FBXO30: variants seen among roughly 807,000 people sequenced by gnomAD.
FBXO30 encodes the protein F-box only protein 30.
FBXO30 carries 21 observed loss-of-function variants against 58.1 expected under a neutral mutation model. The ratio of observed to expected loss-of-function variants is 0.36; its 90% CI spans 0.26 to 0.52. The LOEUF (loss-of-function observed/expected upper bound fraction) is 0.52. Among genes scored for constraint, FBXO30 ranks in the 20% least tolerant of loss-of-function variants. The pLI is 0.93. For synonymous variants in FBXO30, 309 were observed against 312.4 expected, an observed-to-expected ratio of 0.99 and a Z score of 0.11; for missense variants, 744 against 897.3, an observed-to-expected ratio of 0.83 and a Z score of 2.18.
chr6:145,794,190 A>G lies in FBXO30; in HGVS notation c.*5916T>C, dbSNP rs939674344. On this transcript the variant is annotated 3_prime_UTR_variant, in exon 3 of 3. Coordinates refer to ENST00000237281, the MANE Select transcript of FBXO30 (RefSeq NM_032145.5). Reference sequence around the variant, plus strand: ...AATTTACCTATTCTGCATATTTCATATAAATGAAATCATATAATATGTAGC... The same window carrying G: ...AATTTACCTATTCTGCATATTTCATGTAAATGAAATCATATAATATGTAGC... 1.3e-5 allele frequency: 2 copies of G among 151,998 alleles called. No individual in the cohort carries two copies. Among genetic ancestry groups the G allele is most frequent in the Non-Finnish European group, 2.9e-5 (2 of 67,888 alleles). 9.4% of individuals were successfully genotyped at this position (151,998 alleles called of 1,614,324 possible).
intron 1 of FBXO30, among the ~76,000 whole-genome samples, chr6:145,813,711 A>G (rs756399142): frequency 6.6e-6 from 1 of 152,020 alleles, no homozygotes; most frequent in Non-Finnish European, 1.5e-5. Flanking sequence ...ATTAATCTAC[A>G]CCGATATCAG....
intron 1 of FBXO30, among the ~76,000 whole-genome samples, chr6:145,806,823 G>T (rs1426288821): frequency 6.6e-6 from 1 of 152,004 alleles, no homozygotes; most frequent in Middle Eastern, 3.2e-3. Context: ...GATTTTGATT[G>T]TACCCCACAT....
In FBXO30 at chr6:145,800,238, G is replaced by A. The variant is rs574425293; in HGVS notation, c.2106C>T (p.Asp702=). The change falls in exon 3 of 3, where the codon GAC becomes GAT. Residue 702 remains aspartate (D), a synonymous_variant. Coordinates refer to ENST00000237281, the MANE Select transcript of FBXO30 (RefSeq NM_032145.5). ...CATTGTAACTGCATTTCTTCAAGTG[G>A]TCTGCCATGCTTAGGATGTCAGCAA... ...WKFADILSMA[D]HLKKCSYNVV... is the part of the protein sequence containing the mutation. The A allele has an allele frequency of 6.8e-6, 11 of 1,613,010 alleles. No individual in the cohort carries two copies. Among genetic ancestry groups the A allele is most frequent in the Middle Eastern group, 3.3e-4 (2 of 6,050 alleles).
rs1210571763 is a variant in FBXO30 at position 145,799,265 on chromosome 6, T to C, written c.*841A>G. 6.6e-6 allele frequency: 1 copy of C among 152,472 alleles called. No homozygotes were observed. The highest frequency in any genetic ancestry group is 1.5e-5 in the Non-Finnish European group (1 of 67,956). 9.4% of individuals were successfully genotyped at this position (152,472 alleles called of 1,614,324 possible). A position where few individuals can be genotyped will look rare whatever the true frequency, so the allele number is the denominator to read the frequency against. On this transcript the variant is annotated 3_prime_UTR_variant, in exon 3 of 3. Coordinates refer to ENST00000237281, the MANE Select transcript of FBXO30 (RefSeq NM_032145.5). ...GTCAAGCCCTTTGCATTCTGAATAT[T>C]TGAAATTTACACAATACGCCCAATT...
intron 2 of FBXO30, among the ~76,000 whole-genome samples, chr6:145,801,249 G>A (rs1197883275): frequency 1.3e-5 from 2 of 152,100 alleles, no homozygotes; most frequent in Non-Finnish European, 2.9e-5. Context: ...TCTAATTAGG[G>A]AACAATTTAC....
rs748052060 is a variant in FBXO30 at position 145,806,259 on chromosome 6, A to G, written c.147T>C (p.His49=). Residue 49 remains histidine, a synonymous_variant, in exon 2 of 3, where the codon CAT becomes CAC. Transcript: ENST00000237281. Reference sequence around the variant, plus strand: ...CTCGTTCAAATGGACATAAAAGTCGATGCTCATCAGCTTTACAAGAATGGA... The same window carrying G: ...CTCGTTCAAATGGACATAAAAGTCGGTGCTCATCAGCTTTACAAGAATGGA... ...AVFHSCKADE[H]RLLCPFERVP... The G allele has an allele frequency of 1.9e-6, 3 of 1,614,108 alleles. No homozygotes were observed. The Admixed American group carries it at 5.0e-5, about 27-fold the overall frequency.
intron 2 of FBXO30, among the ~76,000 whole-genome samples, chr6:145,802,528 A>T (rs555316853): frequency 6.6e-6 from 1 of 152,270 alleles, no homozygotes; most frequent in African/African-American, 2.4e-5. Flanking sequence ...ACAGTATAAA[A>T]TGATAGGAGG....
chr6:145,795,557 G>A lies in FBXO30; in HGVS notation c.*4549C>T, dbSNP rs1777853608. The stretch of plus-strand genomic sequence containing the variant: ...TTCCGTCCAGCTTATCAAAAAGATT[G>A]AAAATTATTTTTAAAAAAGGACTTT... On this transcript the variant is annotated 3_prime_UTR_variant, in exon 3 of 3. Transcript: ENST00000237281. The A allele has an allele frequency of 6.6e-6, 1 of 151,808 alleles. No homozygotes were observed. Among genetic ancestry groups the A allele is most frequent in the Non-Finnish European group, 1.5e-5 (1 of 67,814 alleles). 9.4% of individuals were successfully genotyped at this position (151,808 alleles called of 1,614,324 possible).
At chr6:145,803,839 T>A (rs963852621) in intron 2 of FBXO30, among the ~76,000 whole-genome samples, 1 of 152,176 alleles carries the variant, frequency 6.6e-6, no homozygotes, top group African/African-American at 2.4e-5. Flanking sequence ...CATCCATTTA[T>A]GTTCCTTATT....
rs143925184 is a variant in FBXO30 at position 145,811,408 on chromosome 6, C to T, written c.-17+3195G>A. On this transcript the variant is annotated intron_variant, in intron 1 of 2. Transcript: ENST00000237281. ...TCCAGGCATTATATATGGAGTAGGA[C>T]GAATCATCTATCAAAAAAAGCAAAT... is the stretch of plus-strand genomic sequence containing the variant. 2.7e-3 allele frequency among the ~76,000 whole-genome samples: 413 copies of T among 152,184 alleles called. 5 individuals carry two copies. Among genetic ancestry groups the T allele is most frequent in the African/African-American group, 9.5e-3 (394 of 41,508 alleles).
chr6:145,794,527 A>AAAGCTATT lies in FBXO30; in HGVS notation c.*5571_*5578dup, dbSNP rs1777833028. 1 of 151,944 alleles carries AAAGCTATT rather than the reference A, an allele frequency of 6.6e-6. No homozygotes were observed. Among genetic ancestry groups the AAAGCTATT allele is most frequent in the Non-Finnish European group, 1.5e-5 (1 of 67,826 alleles). The allele number at this position is 151,944 out of a possible 1,614,324, so 9.4% of individuals were successfully genotyped here. Reference sequence around the variant, plus strand: ...TTTCATATGACATGGCTGTCATGACAAAGCTATTGGAATGTTGTAGGGACC... The same window carrying AAAGCTATT: ...TTTCATATGACATGGCTGTCATGACAAAGCTATTAAGCTATTGGAATGTTGTAGGGACC... On this transcript the variant is annotated 3_prime_UTR_variant, in exon 3 of 3. Transcript: ENST00000237281.
rs1778131940 is a variant in FBXO30 at position 145,805,350 on chromosome 6, C to A, written c.1056G>T (p.Gln352His). 6.2e-7 allele frequency: 1 copy of A among 1,614,082 alleles called. No individual in the cohort carries two copies. Among genetic ancestry groups the A allele is most frequent in the South Asian group, 1.1e-5 (1 of 91,086 alleles). ...CTTCATCATCTGGCATGAGGATATG[C>A]TGAACTGTGCCATTAGGCAAAGCAC... is the stretch of plus-strand genomic sequence containing the variant. ...PSSALPNGTVQHILMPDDEGE... is the reference protein window; with the variant it reads ...PSSALPNGTVHHILMPDDEGE... The change falls in exon 2 of 3, where the codon CAG becomes CAT. Residue 352 changes from glutamine to histidine, a missense_variant. Gln to His is a conservative substitution (Grantham distance 24, BLOSUM62 0). Transcript: ENST00000237281.
chr6:145,804,888 T>C lies in FBXO30; in HGVS notation c.1518A>G (p.Glu506=), dbSNP rs1202296691. The C allele has an allele frequency of 1.9e-6, 3 of 1,613,732 alleles. No homozygotes were observed. The highest frequency in any genetic ancestry group is 2.7e-5 in the African/African-American group (2 of 74,906). The change falls in exon 2 of 3, where the codon GAA becomes GAG. Residue 506 remains glutamate, a synonymous_variant. Coordinates refer to ENST00000237281, the MANE Select transcript of FBXO30 (RefSeq NM_032145.5). ...GCTTGGGTTGGTACCTAGCGACACA[T>C]TCCAATACTAAATCCAGCCCAAGTG... is the stretch of plus-strand genomic sequence containing the variant. ...FQTLGLDLVL[E]CVARYQPKQR... is the part of the protein sequence containing the mutation.
chr6:145,808,139 A>C (rs1778232152), intron 1 of FBXO30, among the ~76,000 whole-genome samples: 2 of 152,042 alleles, frequency 1.3e-5, no homozygotes, highest in South Asian at 4.1e-4. Context: ...GTCTCAAAAA[A>C]TAATAATAAT....
Position 145,805,521 on chromosome 6 carries a change from C to G in FBXO30, c.885G>C (p.Gln295His). ...NGFPLENICT[Q>H]VIDQNQNLHG... The stretch of plus-strand genomic sequence containing the variant: ...GTAAATTCTGATTCTGGTCTATGAC[C>G]TGGGTACATATATTTTCCAAAGGAA... The change falls in exon 2 of 3, where the codon CAG (glutamine) becomes CAC (histidine). Residue 295 changes from glutamine to histidine, a missense_variant. Gln to His is a conservative substitution (Grantham distance 24). This residue lies in a region of FBXO30 where 275 missense variants were observed against 262.0 expected (regional missense o/e 1.05). Transcript: ENST00000237281. 2 of 1,606,426 alleles carry G rather than the reference C, an allele frequency of 1.2e-6. No homozygotes were observed. Among genetic ancestry groups the G allele is most frequent in the Non-Finnish European group, 1.7e-6 (2 of 1,176,568 alleles).
intron 1 of FBXO30, among the ~76,000 whole-genome samples, chr6:145,813,608 T>G (rs1038934997): frequency 6.6e-6 from 1 of 152,234 alleles, no homozygotes; most frequent in Admixed American, 6.5e-5. Flanking sequence ...TTAATATAAT[T>G]TCCATAGGTC....
Position 145,806,162 on chromosome 6 carries a change from T to C in FBXO30, c.244A>G (p.Met82Val). ...ARNKVAEHLE[M>V]CPASVVCCTM... ...CAGCACACCACACTTGCAGGACACATTTCTAGATGTTCAGCAACTTTATTT... is the reference window on the plus strand; with the variant it reads ...CAGCACACCACACTTGCAGGACACACTTCTAGATGTTCAGCAACTTTATTT... The change falls in exon 2 of 3, where the codon ATG (methionine) becomes GTG (valine). Residue 82 changes from methionine (M) to valine (V), a missense_variant. This residue lies in a region of FBXO30 where 135 missense variants were observed against 201.6 expected (regional missense o/e 0.67). Coordinates refer to ENST00000237281, the MANE Select transcript of FBXO30 (RefSeq NM_032145.5). 1 of 1,614,124 alleles carries C rather than the reference T, an allele frequency of 6.2e-7. No individual in the cohort carries two copies. Among genetic ancestry groups the C allele is most frequent in the Non-Finnish European group, 8.5e-7 (1 of 1,179,984 alleles).
rs1386682941 is a variant in FBXO30 at position 145,797,706 on chromosome 6, A to C, written c.*2400T>G. The C allele has an allele frequency of 2.6e-5, 4 of 152,188 alleles. No homozygotes were observed. Among genetic ancestry groups the C allele is most frequent in the Admixed American group, 6.6e-5 (1 of 15,248 alleles). 9.4% of individuals were successfully genotyped at this position (152,188 alleles called of 1,614,324 possible). A position where few individuals can be genotyped will look rare whatever the true frequency, so the allele number is the denominator to read the frequency against. ...GGGAGAAGGGAAAGGGAGAGGGAGA[A>C]AGATTAAGCTAACAGGCAGTATTGA... On this transcript the variant is annotated 3_prime_UTR_variant, in exon 3 of 3. Transcript: ENST00000237281.
chr6:145,806,372 T>C lies in FBXO30; in HGVS notation c.34A>G (p.Asn12Asp). Residue 12 changes from asparagine to aspartate, a missense_variant, in exon 2 of 3, where the codon AAT (asparagine) becomes GAT (aspartate). Coordinates refer to ENST00000237281, the MANE Select transcript of FBXO30 (RefSeq NM_032145.5). ...EEELQHSHCVNCVSRRCMTRP... is the reference protein window; with the variant it reads ...EEELQHSHCVDCVSRRCMTRP... Reference sequence around the variant, plus strand: ...GTCATGCACCGTCTACTGACACAATTCACACAATGGGAATGCTGCAGCTCC... The same window carrying C: ...GTCATGCACCGTCTACTGACACAATCCACACAATGGGAATGCTGCAGCTCC... The C allele has an allele frequency of 6.2e-7, 1 of 1,613,834 alleles. No homozygotes were observed. Among genetic ancestry groups the C allele is most frequent in the East Asian group, 2.2e-5 (1 of 44,880 alleles).
Sources: allele counts gnomAD v4.1 joint callset (sites outside exome capture counted in the v4.1 genomes callset), GRCh38; gene constraint gnomAD v4.1.1; regional missense constraint gnomAD v4.1.1; transcripts MANE v1.5; gene names NCBI Gene and HGNC (gene_info 2026-07-23, HGNC 2026-07-21).